Variants in ZNG1A observed in about 807,000 individuals in gnomAD.
ZNG1A encodes zinc-regulated GTPase metalloprotein activator 1A.
At chr9:136,814 A>T in the ZNG1A span, among the ~76,000 whole-genome samples, 1 of 151,998 alleles carries the variant, frequency 6.6e-6, no homozygotes, top group Non-Finnish European at 1.5e-5. Flanking sequence ...CAAGTAGGAG[A>T]ATCACTTGAG....
the ZNG1A span, among the ~76,000 whole-genome samples, chr9:137,561 A>C: frequency 6.6e-6 from 1 of 152,102 alleles, no homozygotes; most frequent in Non-Finnish European, 1.5e-5. Flanking sequence ...CTGATAGTCA[A>C]ATGAAGAGCT....
chr9:161,830 C>T, the ZNG1A span, among the ~76,000 whole-genome samples: 5 of 151,764 alleles, frequency 3.3e-5, no homozygotes, highest in Non-Finnish European at 4.4e-5. Flanking sequence ...GACCAAGAAG[C>T]GATGCAAGAT....
the ZNG1A span, among the ~76,000 whole-genome samples, chr9:157,781 AGC>A: frequency 1.4e-5 from 2 of 146,622 alleles, no homozygotes; most frequent in Non-Finnish European, 3.0e-5. Flanking sequence ...CATATATCAG[AGC>A]CAAACCAGTT....
the ZNG1A span, among the ~76,000 whole-genome samples, chr9:131,735 C>A: frequency 1.3e-5 from 2 of 148,792 alleles, no homozygotes; most frequent in Non-Finnish European, 2.9e-5. Flanking sequence ...GGATTTATCC[C>A]ATTTCTAGTC....
At chr9:138,499 G>A in the ZNG1A span, among the ~76,000 whole-genome samples, 377 of 140,558 alleles carry the variant, frequency 2.7e-3, 5 homozygotes, top group Admixed American at 0.015. Context: ...GTTACTGTAG[G>A]TATTGTTTTC....
the ZNG1A span, among the ~76,000 whole-genome samples, chr9:136,761 G>C: frequency 1.3e-5 from 2 of 151,534 alleles, no homozygotes; most frequent in East Asian, 2.0e-4. Context: ...AAATTTTGCT[G>C]GGTTCAGTGG....
the ZNG1A span, among the ~76,000 whole-genome samples, chr9:140,141 C>G: frequency 6.6e-6 from 1 of 151,076 alleles, no homozygotes; most frequent in Non-Finnish European, 1.5e-5. Flanking sequence ...CCGGGAAGCT[C>G]GAACTGGGTG....
At chr9:175,999 C>G in the ZNG1A span, among the ~76,000 whole-genome samples, 1 of 150,116 alleles carries the variant, frequency 6.7e-6, no homozygotes, top group Non-Finnish European at 1.5e-5. Context: ...TTTACAAACA[C>G]TCCTACAAGT....
the ZNG1A span, among the ~76,000 whole-genome samples, chr9:126,839 T>C: frequency 8.5e-5 from 13 of 152,070 alleles, no homozygotes; most frequent in Admixed American, 7.2e-4. Context: ...TGAACCTTCC[T>C]CTTAGCACCG....
At chr9:136,769 T>C in the ZNG1A span, among the ~76,000 whole-genome samples, 1 of 151,756 alleles carries the variant, frequency 6.6e-6, no homozygotes, top group Admixed American at 6.6e-5. Flanking sequence ...CTGGGTTCAG[T>C]GGCTCAGGCT....
the ZNG1A span, among the ~76,000 whole-genome samples, chr9:156,149 T>TATATATATATA: frequency 3.0e-5 from 2 of 65,910 alleles, no homozygotes; most frequent in African/African-American, 9.1e-5. Context: ...ATTATTATTA[T>TATATATATATA]TATACATATA....
At chr9:129,080 C>T in the ZNG1A span, among the ~76,000 whole-genome samples, 31,886 of 146,602 alleles carry the variant, frequency 0.22, 3,679 homozygotes, top group Admixed American at 0.27. Flanking sequence ...CCAGTGGAGG[C>T]GGTAGGAGGG....
the ZNG1A span, chr9:161,643 G>C: frequency 7.8e-6 from 10 of 1,283,600 alleles, no homozygotes; most frequent in African/African-American, 3.0e-5. Context: ...TCTGCCTTTA[G>C]TGGTATTTCA....
At chr9:141,417 C>T in the ZNG1A span, among the ~76,000 whole-genome samples, 1 of 149,932 alleles carries the variant, frequency 6.7e-6, no homozygotes, top group Admixed American at 6.7e-5. Flanking sequence ...ATTTTCGACC[C>T]AGAATTTCAT....
At chr9:143,281 T>C in the ZNG1A span, among the ~76,000 whole-genome samples, 2 of 148,966 alleles carry the variant, frequency 1.3e-5, no homozygotes, top group African/African-American at 5.0e-5. Flanking sequence ...TGAACATTGA[T>C]GTAAAAATCC....
the ZNG1A span, among the ~76,000 whole-genome samples, chr9:133,613 T>C: frequency 7.3e-6 from 1 of 137,198 alleles, no homozygotes; most frequent in African/African-American, 2.8e-5. Flanking sequence ...AAATCTTCCA[T>C]AATAAAATGT....
the ZNG1A span, chr9:146,199 T>A: frequency 6.3e-7 from 1 of 1,584,852 alleles, no homozygotes; most frequent in Non-Finnish European, 8.5e-7. Context: ...GGAAATTCTG[T>A]GAAATACATC....
the ZNG1A span, among the ~76,000 whole-genome samples, chr9:173,585 T>G: frequency 1.3e-5 from 2 of 152,220 alleles, no homozygotes; most frequent in Non-Finnish European, 2.9e-5. Context: ...AGACACATCC[T>G]AAACTGATAA....
the ZNG1A span, among the ~76,000 whole-genome samples, chr9:175,048 T>C: frequency 6.6e-6 from 1 of 152,102 alleles, no homozygotes; most frequent in Non-Finnish European, 1.5e-5. Context: ...TGAGTTGCAA[T>C]AGAGTCCATA....
Sources: gnomAD v4.1 joint callset for allele counts (sites outside exome capture counted in the v4.1 genomes callset) on GRCh38, gnomAD v4.1.1 for gene constraint, MANE v1.5 for transcripts, NCBI Gene and HGNC (gene_info 2026-07-23, HGNC 2026-07-21) for gene names.